The following TDP1 variants were observed in gnomAD, a reference collection of about 807,000 sequenced individuals.
TDP1 encodes tyrosyl-DNA phosphodiesterase 1, also known as tyr-DNA phosphodiesterase 1.
TDP1 carries 64 observed loss-of-function variants against 81.5 expected under a neutral mutation model. That is an observed-to-expected ratio of 0.79 (90% CI 0.64 to 0.97). TDP1 has a LOEUF of 0.97. TDP1 is among the 50% of genes least tolerant of loss of function. The probability of loss-of-function intolerance (pLI) is 0.00; values close to 1 mark genes in which losing one functional copy is unlikely to be tolerated. For synonymous variants in TDP1, 256 were observed against 264.3 expected (o/e 0.97, Z 0.30); for missense variants, 723 against 743.8 (o/e 0.97, Z 0.33).
At chr14:90,005,586 A>G (rs1205730688) in intron 14 of TDP1, among the ~76,000 whole-genome samples, 1 of 152,160 alleles carries the variant, frequency 6.6e-6, no homozygotes, top group Non-Finnish European at 1.5e-5. Flanking sequence ...AGCCCAGTGT[A>G]ATGAGCAGAT....
rs1566879029 is a variant in TDP1, at chr14:89,988,993, A to G, written c.1220A>G (p.Asp407Gly). The G allele has an allele frequency of 3.7e-6, 6 of 1,614,202 alleles. No individual in the cohort carries two copies. The highest frequency in any genetic ancestry group is 1.7e-5 in the Admixed American group (1 of 60,024). Reference protein sequence around the residue: ...QFSSVGSLGADESKWLCSEFK... With the variant: ...QFSSVGSLGAGESKWLCSEFK... Reference sequence around the variant, plus strand: ...TCAAGCGTTGGCTCCTTGGGAGCCGATGAATCAAAGTGGTTATGTTCTGAG... The same window carrying G: ...TCAAGCGTTGGCTCCTTGGGAGCCGGTGAATCAAAGTGGTTATGTTCTGAG... The change falls in exon 11 of 17, where the codon GAT becomes GGT. Residue 407 changes from aspartate to glycine, a missense_variant. Physicochemically the swap from Asp to Gly is moderately conservative, Grantham distance 94. Transcript: ENST00000335725.
chr14:89,960,685 T>C (rs1892224188), intron 2 of TDP1, among the ~76,000 whole-genome samples: 1 of 152,160 alleles, frequency 6.6e-6, no homozygotes, highest in African/African-American at 2.4e-5. Context: ...GGTAGGGTAA[T>C]AATGACCCAG....
At chr14:89,995,288 G>T (rs931755933) in intron 14 of TDP1, among the ~76,000 whole-genome samples, 1 of 152,208 alleles carries the variant, frequency 6.6e-6, no homozygotes, top group Non-Finnish European at 1.5e-5. Flanking sequence ...CACAACAGCT[G>T]CATGAGGACC....
intron 14 of TDP1, among the ~76,000 whole-genome samples, chr14:90,008,650 CATT>C (rs1884336955): frequency 6.6e-6 from 1 of 152,088 alleles, no homozygotes; most frequent in Non-Finnish European, 1.5e-5. Context: ...TATTAGCTGC[CATT>C]ATTAGCAAAT....
chr14:89,978,378 G>T (rs551388014), intron 7 of TDP1, among the ~76,000 whole-genome samples: 19 of 152,304 alleles, frequency 1.2e-4, no homozygotes, highest in African/African-American at 4.6e-4. Context: ...GTGAAGACTT[G>T]GTGTGGTAAC....
chr14:90,012,722 T>C (rs537574575), intron 14 of TDP1, among the ~76,000 whole-genome samples: 47 of 152,006 alleles, frequency 3.1e-4, no homozygotes, highest in Admixed American at 3.0e-3. Flanking sequence ...AGTGGAGCTG[T>C]GAGAAGAGGG....
intron 3 of TDP1, among the ~76,000 whole-genome samples, chr14:89,965,393 C>T (rs1892817340): frequency 6.6e-6 from 1 of 152,038 alleles, no homozygotes; most frequent in South Asian, 2.1e-4. Flanking sequence ...TAAGAAGGCT[C>T]CTCCGATATA....
At chr14:90,017,370 A>G (rs7141024) in intron 14 of TDP1, among the ~76,000 whole-genome samples, 5,956 of 152,202 alleles carry the variant, frequency 0.039, 384 homozygotes, top group African/African-American at 0.13. Context: ...GGGAATGTTG[A>G]TTTATCACCT....
Position 89,963,269 on chromosome 14 carries a change from A to C in TDP1, c.155A>C (p.Gln52Pro). The change falls in exon 3 of 17, where the codon CAG becomes CCG. Residue 52 changes from glutamine to proline, a missense_variant. Coordinates refer to ENST00000335725, the MANE Select transcript of TDP1 (RefSeq NM_018319.4). ...CCCAGGTACACCTGTTCCGAGGCCC[A>C]GAAAGCTGCACACAAGAGGAAAATA... is the stretch of plus-strand genomic sequence containing the variant. The part of the protein sequence containing the change: ...NEPRYTCSEA[Q>P]KAAHKRKISP... 1 of 1,614,228 alleles carries C rather than the reference A, an allele frequency of 6.2e-7. No homozygotes were observed. The highest frequency in any genetic ancestry group is 8.5e-7 in the Non-Finnish European group (1 of 1,180,030).
chr14:89,984,066 G>T, intron 8 of TDP1: 1 of 956,310 alleles, frequency 1.0e-6, no homozygotes. Flanking sequence ...TTTCACATTT[G>T]GCTGAAGAGC....
At chr14:89,966,326 C>A (rs929248630) in intron 4 of TDP1, 136 bp downstream of exon 4, 2 of 714,032 alleles carry the variant, frequency 2.8e-6, no homozygotes, top group Non-Finnish European at 5.1e-6. Flanking sequence ...TACCTGGAGG[C>A]TGGCTCAAGT....
intron 4 of TDP1, chr14:89,966,967 A>G: frequency 2.0e-6 from 2 of 985,010 alleles, no homozygotes; most frequent in Non-Finnish European, 2.4e-6. Context: ...TCTTTTCTGA[A>G]AGTCCTGGGA....
intron 14 of TDP1, among the ~76,000 whole-genome samples, chr14:90,018,436 A>G (rs1330658979): frequency 6.6e-6 from 1 of 152,096 alleles, no homozygotes; most frequent in Non-Finnish European, 1.5e-5. Flanking sequence ...TTCAGTGTCC[A>G]GTCTCCTTTG....
intron 15 of TDP1, among the ~76,000 whole-genome samples, chr14:90,025,721 C>G (rs1447975223): frequency 6.6e-6 from 1 of 152,198 alleles, no homozygotes; most frequent in Admixed American, 6.5e-5. Flanking sequence ...TTCAGAAAGT[C>G]TCAATATAGG....
intron 13 of TDP1, 81 bp downstream of exon 13, chr14:89,992,064 T>C: frequency 9.0e-7 from 1 of 1,112,326 alleles, no homozygotes; most frequent in Non-Finnish European, 1.3e-6. Flanking sequence ...TTTTTTTTTT[T>C]AAAAGGAACT....
At chr14:89,992,372 C>T (rs375812988) in intron 13 of TDP1, among the ~76,000 whole-genome samples, 19 of 152,260 alleles carry the variant, frequency 1.2e-4, no homozygotes, top group Admixed American at 8.5e-4. Context: ...TCTTTGCTGC[C>T]GTTTCCTGAG....
At position 90,044,353 on chromosome 14, in the gene TDP1, G is replaced by C. The variant is rs1267102289; in HGVS notation, c.*1210G>C. 1 of 152,266 alleles carries C rather than the reference G, an allele frequency of 6.6e-6. No individual in the cohort carries two copies. The highest frequency in any genetic ancestry group is 1.5e-5 in the Non-Finnish European group (1 of 68,064). 9.4% of individuals were successfully genotyped at this position (152,266 alleles called of 1,614,324 possible). A position where few individuals can be genotyped will look rare whatever the true frequency, so the allele number is the denominator to read the frequency against. ...GGTCACACAGTGAGCGGGGCTCAGA[G>C]CTTGAGTGTCTTTGTGCTTTGTGTA... is the stretch of plus-strand genomic sequence containing the variant. On this transcript the variant is annotated 3_prime_UTR_variant, in exon 17 of 17. Coordinates refer to ENST00000335725, the MANE Select transcript of TDP1 (RefSeq NM_018319.4).
chr14:90,015,611 TACCA>T, intron 14 of TDP1, among the ~76,000 whole-genome samples: 1 of 152,232 alleles, frequency 6.6e-6, no homozygotes, highest in Admixed American at 6.5e-5. Flanking sequence ...AATGTCAGTG[TACCA>T]GCATGGCCAG....
intron 2 of TDP1, among the ~76,000 whole-genome samples, chr14:89,961,608 G>A (rs1363114590): frequency 6.6e-6 from 1 of 152,132 alleles, no homozygotes; most frequent in Non-Finnish European, 1.5e-5. Context: ...AACCGCAGAA[G>A]GGAGGGGATA....
Sources: allele counts gnomAD v4.1 joint callset (sites outside exome capture counted in the v4.1 genomes callset), GRCh38; gene constraint gnomAD v4.1.1; transcripts MANE v1.5; gene names NCBI Gene and HGNC (gene_info 2026-07-23, HGNC 2026-07-21).